Variants in ADORA2B observed in about 807,000 individuals in gnomAD.
ADORA2B encodes adenosine receptor A2b.
ADORA2B carries 18 observed loss-of-function variants against 20.8 expected under a neutral mutation model. The observed-to-expected ratio is 0.87, with a 90% CI of 0.60 to 1.29. The LOEUF (loss-of-function observed/expected upper bound fraction) is 1.29. ADORA2B is among the 50% of genes most tolerant of loss of function. The pLI is 0.00. For synonymous variants in ADORA2B, 179 were observed against 178.3 expected, an observed-to-expected ratio of 1.00 and a Z score of -0.03; for missense variants, 441 against 422.7, an observed-to-expected ratio of 1.04 and a Z score of -0.38.
chr17:15,904,940 G>C, the ADORA2B span, among the ~76,000 whole-genome samples: 1 of 152,082 alleles, frequency 6.6e-6, no homozygotes, highest in African/African-American at 2.4e-5. Context: ...ATACTACACT[G>C]TCTTGATTAA....
At chr17:15,894,126 C>T in the ADORA2B span, among the ~76,000 whole-genome samples, 1 of 152,204 alleles carries the variant, frequency 6.6e-6, no homozygotes, top group East Asian at 1.9e-4. Context: ...CTCGGTCACT[C>T]AAGAATTTCT....
chr17:15,933,406 T>C, the ADORA2B span, among the ~76,000 whole-genome samples: 2 of 152,236 alleles, frequency 1.3e-5, no homozygotes, highest in East Asian at 3.8e-4. Flanking sequence ...TTAATAATAT[T>C]GTCTTCCAAT....
the ADORA2B span, among the ~76,000 whole-genome samples, chr17:15,929,231 A>T: frequency 6.6e-6 from 1 of 152,196 alleles, no homozygotes; most frequent in Non-Finnish European, 1.5e-5. Flanking sequence ...ACTAAGAGGT[A>T]GACATTTAGG....
chr17:15,867,479 G>A, the ADORA2B span, among the ~76,000 whole-genome samples: 4 of 147,234 alleles, frequency 2.7e-5, no homozygotes, highest in African/African-American at 5.2e-5. Flanking sequence ...CAACCGCCCC[G>A]TCTGAGAAGT....
chr17:15,923,407 AT>A, the ADORA2B span, among the ~76,000 whole-genome samples: 2,451 of 120,224 alleles, frequency 0.02, 73 homozygotes, highest in African/African-American at 0.082. Flanking sequence ...ATATATATAT[AT>A]TTTTTTTTTC....
At chr17:15,970,881 C>T (rs1000337240) in intron 1 of ADORA2B, among the ~76,000 whole-genome samples, 6 of 152,146 alleles carry the variant, frequency 3.9e-5, no homozygotes, top group Non-Finnish European at 7.3e-5. Flanking sequence ...GAGGGCATCA[C>T]ACCCTTCCAC....
At chr17:15,878,883 AATAG>A in the ADORA2B span, among the ~76,000 whole-genome samples, 2 of 152,144 alleles carry the variant, frequency 1.3e-5, no homozygotes, top group African/African-American at 2.4e-5. Flanking sequence ...TAATAGCATA[AATAG>A]ATTTTCTAGT....
At chr17:15,924,110 G>A in the ADORA2B span, among the ~76,000 whole-genome samples, 1 of 151,710 alleles carries the variant, frequency 6.6e-6, no homozygotes, top group African/African-American at 2.4e-5. Flanking sequence ...ACAAGTTTTC[G>A]CCATGTTGGC....
At chr17:15,916,496 T>G in the ADORA2B span, among the ~76,000 whole-genome samples, 2 of 147,956 alleles carry the variant, frequency 1.4e-5, no homozygotes, top group African/African-American at 2.5e-5. Context: ...GGGGTCCGCG[T>G]GAGAGGGTCG....
At chr17:15,932,429 G>C in the ADORA2B span, among the ~76,000 whole-genome samples, 3 of 150,370 alleles carry the variant, frequency 2.0e-5, no homozygotes, top group Admixed American at 2.0e-4. Flanking sequence ...GGAGGCAGAG[G>C]TTACAGTGAG....
At chr17:15,888,104 G>T in the ADORA2B span, among the ~76,000 whole-genome samples, 49 of 127,226 alleles carry the variant, frequency 3.9e-4, 11 homozygotes, top group Middle Eastern at 3.8e-3. Context: ...AGGAACCCCA[G>T]AGTTATTTGC....
At chr17:15,883,936 T>A in the ADORA2B span, among the ~76,000 whole-genome samples, 1 of 152,220 alleles carries the variant, frequency 6.6e-6, no homozygotes, top group African/African-American at 2.4e-5. Context: ...ATATTTACCA[T>A]GTGAACGACA....
At chr17:15,885,719 A>AC in the ADORA2B span, among the ~76,000 whole-genome samples, 9 of 152,106 alleles carry the variant, frequency 5.9e-5, no homozygotes, top group South Asian at 2.1e-4. Context: ...GTATCAAAAA[A>AC]AAAAAACAAA....
At chr17:15,967,514 A>C (rs1367505480) in intron 1 of ADORA2B, among the ~76,000 whole-genome samples, 1 of 152,126 alleles carries the variant, frequency 6.6e-6, no homozygotes, top group Non-Finnish European at 1.5e-5. Context: ...TACAGGCGTG[A>C]GCCACCGCGC....
chr17:15,875,931 G>A, the ADORA2B span, among the ~76,000 whole-genome samples: 1 of 152,162 alleles, frequency 6.6e-6, no homozygotes, highest in African/African-American at 2.4e-5. Flanking sequence ...CCAACTCTTT[G>A]TGAGATATCC....
intron 1 of ADORA2B, among the ~76,000 whole-genome samples, chr17:15,955,686 G>T (rs896994735): frequency 2.7e-5 from 4 of 150,454 alleles, no homozygotes; most frequent in Admixed American, 1.3e-4. Context: ...GGGACCACAG[G>T]CGTGAGCCAC....
At chr17:15,931,742 C>CTT in the ADORA2B span, among the ~76,000 whole-genome samples, 259 of 151,348 alleles carry the variant, frequency 1.7e-3, 3 homozygotes, top group African/African-American at 5.9e-3. Flanking sequence ...GTCTTTTTCT[C>CTT]TTTTTTTTTG....
the ADORA2B span, among the ~76,000 whole-genome samples, chr17:15,856,566 T>G: frequency 1.3e-5 from 2 of 152,076 alleles, no homozygotes; most frequent in African/African-American, 4.8e-5. Flanking sequence ...TAGGAAGATG[T>G]GGGAAAGTTT....
chr17:15,943,332 C>CT (rs982410091), upstream of ADORA2B, among the ~76,000 whole-genome samples: 1 of 151,980 alleles, frequency 6.6e-6, no homozygotes. Flanking sequence ...TTCTTCTTGT[C>CT]TTTTTTTAGA....
Sources: gnomAD v4.1 joint callset for allele counts (sites outside exome capture counted in the v4.1 genomes callset) on GRCh38, gnomAD v4.1.1 for gene constraint, MANE v1.5 for transcripts, NCBI Gene and HGNC (gene_info 2026-07-23, HGNC 2026-07-21) for gene names.